Variants in JAKMIP3 observed in about 807,000 individuals in gnomAD.
JAKMIP3 encodes Janus kinase and microtubule interacting protein 3.
A neutral mutation model predicts 118.5 loss-of-function variants in JAKMIP3; 58 were observed. The ratio of observed to expected loss-of-function variants is 0.49; its 90% confidence interval spans 0.40 to 0.61. The LOEUF (loss-of-function observed/expected upper bound fraction) is 0.61, where lower values mean the gene tolerates loss of function less well. Among genes scored for constraint, JAKMIP3 ranks in the 20% least tolerant of loss-of-function variants. The pLI, the probability that JAKMIP3 is intolerant of heterozygous loss-of-function variation, is 0.00. For missense variants in JAKMIP3, 950 were observed against 1,109.0 expected, an observed-to-expected ratio of 0.86 and a Z score of 2.04; for synonymous variants, 486 against 451.2, an observed-to-expected ratio of 1.08 and a Z score of -0.98.
upstream of JAKMIP3, among the ~76,000 whole-genome samples, chr10:132,060,969 G>A (rs181580468): frequency 2.4e-3 from 362 of 152,238 alleles, 2 homozygotes; most frequent in African/African-American, 8.2e-3. Flanking sequence ...AGGTTGCAGC[G>A]GGCCAAGATC....
intron 1 of JAKMIP3, among the ~76,000 whole-genome samples, chr10:132,077,339 C>A (rs1388060904): frequency 6.6e-6 from 1 of 152,140 alleles, no homozygotes; most frequent in Admixed American, 6.5e-5. Context: ...CCGTCTTCTG[C>A]TCTCTCTCAG....
At chr10:132,159,082 T>G (rs1320658733) in intron 19 of JAKMIP3, among the ~76,000 whole-genome samples, 7 of 109,408 alleles carry the variant, frequency 6.4e-5, no homozygotes, top group African/African-American at 1.1e-4. Flanking sequence ...GACGCTGGGG[T>G]TGTGTCTTCC....
chr10:132,106,507 C>A (rs11146183), intron 2 of JAKMIP3, among the ~76,000 whole-genome samples: 1 of 152,088 alleles, frequency 6.6e-6, no homozygotes, highest in East Asian at 1.9e-4. Context: ...ATGAACACAG[C>A]CTGTGGCCTG....
At chr10:132,138,210 G>A (rs1405408041) in intron 9 of JAKMIP3, 32 bp downstream of exon 9, 3 of 1,576,448 alleles carry the variant, frequency 1.9e-6, no homozygotes, top group Non-Finnish European at 2.6e-6. Flanking sequence ...CGTGCGGAGA[G>A]TACGCCGGGT....
chr10:132,177,753 GGT>G lies in JAKMIP3; in HGVS notation c.*1104-4596_*1104-4595del, dbSNP rs1211921593. ...TGTGTGTGTGCACACTGCATTTGGT[GGT>G]GTGTGTGCACCTGCTCCTGTGTCCT... On this transcript the variant is annotated intron_variant, in intron 23 of 23. Coordinates refer to ENST00000684848, the MANE Select transcript of JAKMIP3 (RefSeq NM_001323087.2). 4.3e-4 allele frequency among the ~76,000 whole-genome samples: 61 copies of G among 140,500 alleles called. 1 individual carries two copies. The highest frequency in any genetic ancestry group is 3.2e-3 in the Admixed American group (45 of 14,112). 92.2% of individuals were successfully genotyped at this position (140,500 alleles called of 152,430 possible).
intron 10 of JAKMIP3, among the ~76,000 whole-genome samples, chr10:132,141,333 A>G (rs1010436128): frequency 6.6e-6 from 1 of 152,184 alleles, no homozygotes; most frequent in Admixed American, 6.5e-5. Flanking sequence ...AGACGTGGCC[A>G]ACCCTTCCAG....
intron 4 of JAKMIP3, among the ~76,000 whole-genome samples, chr10:132,134,117 C>T (rs1050430342): frequency 2.6e-5 from 4 of 152,182 alleles, no homozygotes; most frequent in Admixed American, 1.3e-4. Context: ...TCCTTGCTGC[C>T]GCTCCGCACT....
chr10:132,109,944 A>G (rs1259783115), intron 2 of JAKMIP3, among the ~76,000 whole-genome samples: 1 of 152,218 alleles, frequency 6.6e-6, no homozygotes, highest in African/African-American at 2.4e-5. Flanking sequence ...ATGCTTCTGA[A>G]GTCTTTACTG....
intron 1 of JAKMIP3, among the ~76,000 whole-genome samples, chr10:132,055,397 C>T (rs1164154252): frequency 6.6e-6 from 1 of 152,178 alleles, no homozygotes; most frequent in Non-Finnish European, 1.5e-5. Context: ...AGTACTTGGT[C>T]TCGAAAACAG....
At chr10:132,155,272 G>A (rs991791973) in intron 19 of JAKMIP3, among the ~76,000 whole-genome samples, 1 of 152,048 alleles carries the variant, frequency 6.6e-6, no homozygotes, top group African/African-American at 2.4e-5. Context: ...GTGTTATAAT[G>A]ACAGCCTACT....
At chr10:132,180,950 C>T (rs183202853) in intron 23 of JAKMIP3, among the ~76,000 whole-genome samples, 7 of 151,976 alleles carry the variant, frequency 4.6e-5, no homozygotes, top group East Asian at 1.9e-4. Flanking sequence ...TACACATGTA[C>T]AGTGCATTTG....
chr10:132,091,529 GTCT>G (rs1286404788), intron 1 of JAKMIP3, among the ~76,000 whole-genome samples: 4 of 151,988 alleles, frequency 2.6e-5, no homozygotes, highest in African/African-American at 9.7e-5. Context: ...TTATGTAATG[GTCT>G]TCTTTGTCTC....
chr10:132,051,078 C>G (rs892830463), intron 1 of JAKMIP3, among the ~76,000 whole-genome samples: 3 of 145,026 alleles, frequency 2.1e-5, no homozygotes, highest in Non-Finnish European at 4.5e-5. Context: ...ACCTGCCTGT[C>G]TTTCCTGGCA....
intron 3 of JAKMIP3, among the ~76,000 whole-genome samples, chr10:132,126,981 C>T (rs2049690644): frequency 1.3e-5 from 2 of 152,032 alleles, no homozygotes; most frequent in South Asian, 4.1e-4. Flanking sequence ...TCTCCTTTTT[C>T]TATTCTCTCA....
intron 1 of JAKMIP3, among the ~76,000 whole-genome samples, chr10:132,101,971 G>T (rs915930019): frequency 6.6e-6 from 1 of 151,834 alleles, no homozygotes; most frequent in South Asian, 2.1e-4. Flanking sequence ...TCTGGAGCCC[G>T]CAGGAGCCCA....
At chr10:132,115,837 C>G (rs977152677) in intron 2 of JAKMIP3, among the ~76,000 whole-genome samples, 2 of 152,262 alleles carry the variant, frequency 1.3e-5, no homozygotes, top group African/African-American at 2.4e-5. Flanking sequence ...TGGAGCAGCC[C>G]TGAGGGCTCA....
chr10:132,164,627 A>G (rs1357003097), intron 20 of JAKMIP3, 43 bp from the exon 21 acceptor site: 1 of 1,297,450 alleles, frequency 7.7e-7, no homozygotes, highest in Non-Finnish European at 1.1e-6. Context: ...GGGTTTCCCG[A>G]GTACTGTGAC....
intron 17 of JAKMIP3, 57 bp from the exon 18 acceptor site, chr10:132,153,702 C>A: frequency 6.4e-7 from 1 of 1,551,044 alleles, no homozygotes; most frequent in Non-Finnish European, 8.9e-7. Context: ...GCTGTCTCCA[C>A]GAGCCGGGGT....
intron 2 of JAKMIP3, among the ~76,000 whole-genome samples, chr10:132,113,343 C>T (rs1038125580): frequency 2.6e-5 from 4 of 152,248 alleles, no homozygotes; most frequent in Non-Finnish European, 5.9e-5. Context: ...CTGCAGGTGC[C>T]TTGGCCACCA....
Sources: gnomAD v4.1 joint callset for allele counts (sites outside exome capture counted in the v4.1 genomes callset) on GRCh38, gnomAD v4.1.1 for gene constraint, MANE v1.5 for transcripts, NCBI Gene and HGNC (gene_info 2026-07-23, HGNC 2026-07-21) for gene names.